Variants in CTSC observed in about 807,000 individuals in gnomAD.
The protein encoded by CTSC is cathepsin C.
Under a neutral mutation model 40.9 loss-of-function variants are expected in CTSC, and 37 were observed. That is an observed-to-expected ratio of 0.91 (90% CI 0.70 to 1.19). The LOEUF (loss-of-function observed/expected upper bound fraction) is 1.19. Among genes scored for constraint, CTSC ranks in the 50% most tolerant of loss-of-function variants. The pLI, the probability that CTSC is intolerant of heterozygous loss-of-function variation, is 0.00. For synonymous variants in CTSC, 232 were observed against 207.4 expected, an observed-to-expected ratio of 1.12 and a Z score of -1.02; for missense variants, 594 against 567.3, an observed-to-expected ratio of 1.05 and a Z score of -0.48.
Position 88,312,448 on chromosome 11 carries a change from A to G in CTSC, c.425T>C (p.Val142Ala), listed in dbSNP as rs1937785257. Residue 142 changes from valine to alanine, a missense_variant, in exon 3 of 7, where the codon GTG becomes GCG. Transcript: ENST00000227266. The stretch of plus-strand genomic sequence containing the variant: ...ATACACATTCTCAGAGGCAGTTCCC[A>G]CCTTCTTTCCGGTGAAACAAGCCCA... ...RNWACFTGKK[V>A]GTASENVYVN... 6.2e-7 allele frequency: 1 copy of G among 1,613,998 alleles called. No individual in the cohort carries two copies. Among genetic ancestry groups the G allele is most frequent in the African/African-American group, 1.3e-5 (1 of 74,914 alleles).
intron 4 of CTSC, among the ~76,000 whole-genome samples, chr11:88,302,518 C>T (rs886546498): frequency 2.0e-5 from 3 of 149,946 alleles, no homozygotes; most frequent in Admixed American, 1.3e-4. Context: ...CCCAGCTACT[C>T]GGGAGGCTGA....
chr11:88,325,244 T>C, intron 2 of CTSC: 1 of 985,232 alleles, frequency 1.0e-6, no homozygotes, highest in South Asian at 4.7e-5. Flanking sequence ...TACAAAGCTC[T>C]TCTACCAATT....
chr11:88,322,855 T>G (rs1938063898), intron 2 of CTSC: 1 of 152,220 alleles, frequency 6.6e-6, no homozygotes, highest in African/African-American at 2.4e-5. Flanking sequence ...GAGGAGCTGA[T>G]ACCCTTTCTT....
intron 2 of CTSC, among the ~76,000 whole-genome samples, chr11:88,329,302 T>G (rs1938276305): frequency 6.6e-6 from 1 of 151,672 alleles, no homozygotes; most frequent in South Asian, 2.1e-4. Context: ...GTCAACATGG[T>G]GAAACCCCAT....
At chr11:88,309,059 G>A in intron 4 of CTSC, 104 bp downstream of exon 4, 2 of 959,364 alleles carry the variant, frequency 2.1e-6, no homozygotes, top group Admixed American at 2.0e-5. Context: ...GTTACAACTG[G>A]GATGACCAAT....
chr11:88,321,406 A>AT (rs1208542473), intron 2 of CTSC: 1 of 152,034 alleles, frequency 6.6e-6, no homozygotes, highest in African/African-American at 2.4e-5. Context: ...TGCATTAGCT[A>AT]TTTTTTCTAA....
At chr11:88,295,632 C>T (rs1944290107) in intron 6 of CTSC, among the ~76,000 whole-genome samples, 1 of 152,174 alleles carries the variant, frequency 6.6e-6, no homozygotes, top group Non-Finnish European at 1.5e-5. Flanking sequence ...TCACCCATCT[C>T]AGCCTCCCAA....
rs1308728982 is a variant in CTSC at position 88,296,192 on chromosome 11, T to C, written c.830A>G (p.Asn277Ser). 3.1e-6 allele frequency: 5 copies of C among 1,614,024 alleles called. No individual in the cohort carries two copies. Among genetic ancestry groups the C allele is most frequent in the Admixed American group, 1.7e-5 (1 of 60,010 alleles). Residue 277 changes from asparagine (N) to serine (S), a missense_variant, in exon 6 of 7, where the codon AAT becomes AGT. By Grantham distance (46) the Asn-to-Ser change is conservative. Transcript: ENST00000227266. ...AGGGCTTAGGATTGGGGTCTGAGAA[T>C]TGTTGGTTAGTATACGGATTCTCGC... ...LEARIRILTN[N>S]SQTPILSPQE...
At chr11:88,315,272 CTACTTTATA>C (rs1160972480) in intron 2 of CTSC, among the ~76,000 whole-genome samples, 1 of 152,024 alleles carries the variant, frequency 6.6e-6, no homozygotes, top group East Asian at 1.9e-4. Context: ...TTCTTAAGAG[CTACTTTATA>C]GATATTGACA....
intron 2 of CTSC, among the ~76,000 whole-genome samples, chr11:88,320,562 C>T (rs1937979364): frequency 6.6e-6 from 1 of 152,172 alleles, no homozygotes; most frequent in South Asian, 2.1e-4. Context: ...CAGGATTTCC[C>T]TTGATAGCTA....
Position 88,312,488 on chromosome 11 carries a change from C to G in CTSC, c.385G>C (p.Val129Leu), listed in dbSNP as rs1409414992. 1 of 1,614,230 alleles carries G rather than the reference C, an allele frequency of 6.2e-7. No individual in the cohort carries two copies. Among genetic ancestry groups the G allele is most frequent in the Non-Finnish European group, 8.5e-7 (1 of 1,180,044 alleles). Residue 129 changes from valine to leucine, a missense_variant, in exon 3 of 7, where the codon GTG (valine) becomes CTG (leucine). Transcript: ENST00000227266. Reference protein sequence around the residue: ...NETMTGWVHDVLGRNWACFTG... With the variant: ...NETMTGWVHDLLGRNWACFTG... The stretch of plus-strand genomic sequence containing the variant: ...AAACAAGCCCAGTTCCGGCCCAACA[C>G]ATCATGCACCCACCCAGTCATTGTC...
intron 3 of CTSC, 151 bp from the exon 4 acceptor site, chr11:88,309,469 C>T: frequency 1.4e-6 from 1 of 696,106 alleles, no homozygotes; most frequent in Non-Finnish European, 2.5e-6. Context: ...CTAGAACAGC[C>T]TGGCATGTCT....
intron 2 of CTSC, among the ~76,000 whole-genome samples, chr11:88,331,454 C>T (rs1239737324): frequency 6.6e-6 from 1 of 152,182 alleles, no homozygotes; most frequent in African/African-American, 2.4e-5. Flanking sequence ...AATACACAGG[C>T]ACTTGAAGAG....
intron 2 of CTSC, chr11:88,324,135 A>T (rs1938113019): frequency 6.6e-6 from 1 of 152,310 alleles, no homozygotes. Context: ...GACAAACCGT[A>T]CAAAAACAAA....
In CTSC at chr11:88,312,510, T is replaced by C. The variant is rs139142076; in HGVS notation, c.363A>G (p.Thr121=). ...GSKVTTYCNE[T]MTGWVHDVLG... ...ACACATCATGCACCCACCCAGTCATTGTCTCGTTGCAGTAAGTGGTCACCT... is the reference window on the plus strand; with the variant it reads ...ACACATCATGCACCCACCCAGTCATCGTCTCGTTGCAGTAAGTGGTCACCT... The change falls in exon 3 of 7, where the codon ACA becomes ACG. Residue 121 remains threonine, a synonymous_variant. Coordinates refer to ENST00000227266, the MANE Select transcript of CTSC (RefSeq NM_001814.6). The C allele has an allele frequency of 1.2e-6, 2 of 1,614,154 alleles. No individual in the cohort carries two copies. Among genetic ancestry groups the C allele is most frequent in the Non-Finnish European group, 1.7e-6 (2 of 1,180,030 alleles).
At chr11:88,334,655 T>C (rs1419346025) in intron 2 of CTSC, 4 of 362,632 alleles carry the variant, frequency 1.1e-5, no homozygotes, top group Non-Finnish European at 2.0e-5. Context: ...GTGGTAGTAA[T>C]AAGGAAAATA....
intron 2 of CTSC, chr11:88,320,969 T>C (rs1159493173): frequency 2.0e-6 from 2 of 985,050 alleles, no homozygotes; most frequent in Non-Finnish European, 2.4e-6. Context: ...CAGGCAATTA[T>C]GACACAGAAT....
At chr11:88,334,685 C>A in intron 2 of CTSC, 2 of 427,658 alleles carry the variant, frequency 4.7e-6, no homozygotes, top group East Asian at 4.4e-5. Flanking sequence ...TTTAGTCATA[C>A]TTACCAAAAT....
chr11:88,300,771 C>A, intron 4 of CTSC, 126 bp from the exon 5 acceptor site: 1 of 700,298 alleles, frequency 1.4e-6, no homozygotes, highest in Non-Finnish European at 2.6e-6. Context: ...AGACCCAGAG[C>A]ACCTGTTTTA....
Sources: gnomAD v4.1 joint callset for allele counts (sites outside exome capture counted in the v4.1 genomes callset) on GRCh38, gnomAD v4.1.1 for gene constraint, MANE v1.5 for transcripts, NCBI Gene and HGNC (gene_info 2026-07-23, HGNC 2026-07-21) for gene names.